LARGE1: variants seen among roughly 807,000 people sequenced by gnomAD.
LARGE1 encodes LARGE xylosyl- and glucuronyltransferase 1, also known as xylosyl- and glucuronyltransferase LARGE1.
LARGE1 carries 43 observed loss-of-function variants against 87.6 expected under a neutral mutation model. That is an observed-to-expected ratio of 0.49 (90% CI 0.38 to 0.63). The LOEUF is 0.63. LARGE1 is among the 30% of genes least tolerant of loss of function. LARGE1 has a pLI of 0.00. For missense variants in LARGE1, 802 were observed against 1,000.2 expected (o/e 0.80, Z 2.67); for synonymous variants, 434 against 394.6 (o/e 1.10, Z -1.18).
intron 11 of LARGE1, among the ~76,000 whole-genome samples, chr22:33,169,190 T>C (rs1440241732): frequency 6.6e-6 from 1 of 152,244 alleles, no homozygotes; most frequent in Non-Finnish European, 1.5e-5. Flanking sequence ...ATCTGTCCTG[T>C]TACAAAGTCA....
intron 6 of LARGE1, among the ~76,000 whole-genome samples, chr22:33,526,232 T>C (rs1206602950): frequency 6.6e-6 from 1 of 152,162 alleles, no homozygotes; most frequent in Non-Finnish European, 1.5e-5. Flanking sequence ...TATATTTATA[T>C]GAAAAAAAAT....
At chr22:33,638,434 T>G (rs1268821547) in intron 3 of LARGE1, among the ~76,000 whole-genome samples, 1 of 151,646 alleles carries the variant, frequency 6.6e-6, no homozygotes, top group African/African-American at 2.4e-5. Context: ...CTCATGGGGC[T>G]GCTAAAGCCC....
intron 5 of LARGE1, among the ~76,000 whole-genome samples, chr22:33,587,931 T>C (rs2078724357): frequency 1.3e-5 from 2 of 152,234 alleles, no homozygotes; most frequent in Admixed American, 6.5e-5. Context: ...TTAATGCCTT[T>C]TGTTGGAAAA....
At chr22:33,592,968 T>G (rs541390396) in intron 5 of LARGE1, among the ~76,000 whole-genome samples, 4 of 152,156 alleles carry the variant, frequency 2.6e-5, no homozygotes, top group African/African-American at 9.6e-5. Flanking sequence ...GCCTCCCGAG[T>G]AGCTGGGACT....
chr22:33,584,882 T>C (rs1437722530), intron 5 of LARGE1, among the ~76,000 whole-genome samples: 1 of 152,202 alleles, frequency 6.6e-6, no homozygotes, highest in African/African-American at 2.4e-5. Context: ...TTTGGGAGGC[T>C]GAGGCTGGCA....
intron 1 of LARGE1, among the ~76,000 whole-genome samples, chr22:33,798,216 G>T (rs1434996526): frequency 1.3e-5 from 2 of 152,136 alleles, no homozygotes; most frequent in African/African-American, 4.8e-5. Flanking sequence ...CTTGAACCTG[G>T]GAGGCAGAGG....
intron 6 of LARGE1, among the ~76,000 whole-genome samples, chr22:33,558,712 G>A (rs928379239): frequency 6.6e-6 from 1 of 152,146 alleles, no homozygotes; most frequent in South Asian, 2.1e-4. Flanking sequence ...ACTTCAAAGA[G>A]CATTAAAAAC....
At chr22:33,188,143 GT>G (rs1307621583) in intron 11 of LARGE1, among the ~76,000 whole-genome samples, 2 of 151,654 alleles carry the variant, frequency 1.3e-5, no homozygotes, top group African/African-American at 4.8e-5. Context: ...AAAAGAAAAT[GT>G]TTTTGCTGAT....
rs35976426 is a variant in LARGE1 at position 33,441,071 on chromosome 22, C to CTTTTTTTTTTTTTTTTT, written c.788-8823_788-8807dup. Among the ~76,000 whole-genome samples the CTTTTTTTTTTTTTTTTT allele has an allele frequency of 3.3e-3, 327 of 98,488 alleles. 31 individuals carry two copies. Among genetic ancestry groups the CTTTTTTTTTTTTTTTTT allele is most frequent in the African/African-American group, 0.015 (302 of 20,364 alleles). The allele number at this position is 98,488 out of a possible 152,430, so 64.6% of individuals were successfully genotyped here. A position where few individuals can be genotyped will look rare whatever the true frequency, so the allele number is the denominator to read the frequency against. ...CTCAGCTGCTGCTATTTTGTTTGAACTTTTTTTTTTTTTTTTTTTTGAGAG... is the reference window on the plus strand; with the variant it reads ...CTCAGCTGCTGCTATTTTGTTTGAACTTTTTTTTTTTTTTTTTTTTTTTTTTTTTTTTTTTTTGAGAG... On this transcript the variant is annotated intron_variant, in intron 6 of 14. Transcript: ENST00000397394.
chr22:33,719,508 T>TTTA (rs1338460518), intron 2 of LARGE1, among the ~76,000 whole-genome samples: 1 of 150,210 alleles, frequency 6.7e-6, no homozygotes, highest in Non-Finnish European at 1.5e-5. Flanking sequence ...TATTTATTTA[T>TTTA]TTATTTATTT....
At chr22:33,556,154 T>A (rs999417207) in intron 6 of LARGE1, among the ~76,000 whole-genome samples, 4 of 151,976 alleles carry the variant, frequency 2.6e-5, no homozygotes, top group Admixed American at 6.6e-5. Context: ...TCACCCTGAC[T>A]TTTCCCTTTC....
chr22:33,288,693 A>G (rs5749599), intron 12 of LARGE1, among the ~76,000 whole-genome samples: 37,014 of 151,946 alleles, frequency 0.24, 9,102 homozygotes, highest in African/African-American at 0.64. Flanking sequence ...AAAGTGTCCT[A>G]ATTCCGACCT....
chr22:33,815,406 G>A (rs577127406), intron 1 of LARGE1, among the ~76,000 whole-genome samples: 1 of 152,168 alleles, frequency 6.6e-6, no homozygotes, highest in Non-Finnish European at 1.5e-5. Context: ...CTCATTAAGA[G>A]GCACAGTAAT....
intron 9 of LARGE1, among the ~76,000 whole-genome samples, chr22:33,372,189 T>A (rs1372695422): frequency 3.9e-5 from 6 of 152,074 alleles, no homozygotes; most frequent in Admixed American, 3.9e-4. Context: ...TTCAGCTTCT[T>A]AAATATATTT....
At chr22:33,845,138 T>C (rs2146452167) in intron 1 of LARGE1, among the ~76,000 whole-genome samples, 1 of 152,242 alleles carries the variant, frequency 6.6e-6, no homozygotes, top group African/African-American at 2.4e-5. Flanking sequence ...TTTACAGGAT[T>C]CTAAAGTCCC....
chr22:33,762,259 G>A (rs148728819), intron 1 of LARGE1, among the ~76,000 whole-genome samples: 1 of 145,932 alleles, frequency 6.9e-6, no homozygotes, highest in African/African-American at 2.5e-5. Flanking sequence ...CCAGAGGATG[G>A]ATTCAAAAAG....
chr22:33,682,423 CA>C (rs2149307030), intron 2 of LARGE1, among the ~76,000 whole-genome samples: 1 of 152,298 alleles, frequency 6.6e-6, no homozygotes, highest in Admixed American at 6.5e-5. Context: ...CAGGACACCC[CA>C]GGCTGTTCCC....
chr22:33,897,142 C>A (rs2065166641), intron 1 of LARGE1, among the ~76,000 whole-genome samples: 1 of 152,136 alleles, frequency 6.6e-6, no homozygotes, highest in African/African-American at 2.4e-5. Context: ...TCCTTCAAAG[C>A]CCAGGAAGAA....
At chr22:33,415,108 A>G (rs1276639912) in intron 7 of LARGE1, among the ~76,000 whole-genome samples, 1 of 152,172 alleles carries the variant, frequency 6.6e-6, no homozygotes, top group African/African-American at 2.4e-5. Context: ...CATGAGCAAT[A>G]AAGGGCAAGT....
Sources: allele counts gnomAD v4.1 joint callset (sites outside exome capture counted in the v4.1 genomes callset), GRCh38; gene constraint gnomAD v4.1.1; transcripts MANE v1.5; gene names NCBI Gene and HGNC (gene_info 2026-07-23, HGNC 2026-07-21).